The following XPO6 variants were observed in gnomAD, a reference collection of about 807,000 sequenced individuals.
The protein encoded by XPO6 is exportin 6.
In XPO6, 3 loss-of-function variants were observed where a neutral mutation model predicts 130.0. The ratio of observed to expected loss-of-function variants is 0.02; its 90% CI spans 0.01 to 0.06. The LOEUF (loss-of-function observed/expected upper bound fraction) is 0.06, where lower values mean the gene tolerates loss of function less well. XPO6 is among the 10% of genes least tolerant of loss of function. The pLI is 1.00. For missense variants in XPO6, 970 were observed against 1,393.0 expected, an observed-to-expected ratio of 0.70 and a Z score of 4.83; for synonymous variants, 524 against 548.9, an observed-to-expected ratio of 0.95 and a Z score of 0.63.
chr16:28,209,829 T>C (rs2044096535), intron 1 of XPO6, among the ~76,000 whole-genome samples: 1 of 151,942 alleles, frequency 6.6e-6, no homozygotes, highest in Admixed American at 6.6e-5. Flanking sequence ...TCATACTGTG[T>C]AATATATATG....
intron 1 of XPO6, among the ~76,000 whole-genome samples, chr16:28,181,969 G>A (rs1420027022): frequency 6.6e-6 from 1 of 152,090 alleles, no homozygotes; most frequent in Non-Finnish European, 1.5e-5. Context: ...TCAAGTAGGA[G>A]TCGCAGGAAT....
chr16:28,188,414 T>C (rs932353439), intron 1 of XPO6, among the ~76,000 whole-genome samples: 1 of 152,154 alleles, frequency 6.6e-6, no homozygotes, highest in Non-Finnish European at 1.5e-5. Flanking sequence ...CAGAGTGCCA[T>C]TCAAATATCC....
intron 15 of XPO6, chr16:28,117,046 A>C (rs986668773): frequency 7.5e-5 from 29 of 386,136 alleles, no homozygotes; most frequent in Admixed American, 4.9e-4. Flanking sequence ...CAGAGGTATC[A>C]CAACTTTTTA....
At chr16:28,166,802 C>T (rs1272972080) in intron 5 of XPO6, 7 of 985,248 alleles carry the variant, frequency 7.1e-6, no homozygotes, top group Non-Finnish European at 8.4e-6. Flanking sequence ...GTGGCCTCTC[C>T]CCACTGTTGC....
rs1352486695 is a variant in XPO6 at position 28,125,694 on chromosome 16, C to T, written c.1761G>A (p.Val587=). The part of the protein sequence containing the change: ...AARFNDALTV[V]ERLVKVTLYG... ...TAAGGTAACTGCCAGCCTACCTTTC[C>T]ACGACTGTGAGGGCATCATTGAACC... Residue 587 remains valine, a synonymous_variant, in exon 13 of 24, where the codon GTG becomes GTA. Coordinates refer to ENST00000304658, the MANE Select transcript of XPO6 (RefSeq NM_015171.4). The T allele has an allele frequency of 1.2e-6, 2 of 1,613,520 alleles. No individual in the cohort carries two copies. The highest frequency in any genetic ancestry group is 1.7e-6 in the Non-Finnish European group (2 of 1,179,740).
At chr16:28,144,104 A>G (rs1215530026) in intron 9 of XPO6, among the ~76,000 whole-genome samples, 2 of 152,210 alleles carry the variant, frequency 1.3e-5, no homozygotes, top group South Asian at 2.1e-4. Flanking sequence ...TTATTTTGGC[A>G]AAAGTAACTT....
intron 12 of XPO6, among the ~76,000 whole-genome samples, chr16:28,128,434 C>A (rs933938870): frequency 1.3e-5 from 2 of 152,214 alleles, no homozygotes; most frequent in Admixed American, 6.5e-5. Context: ...CACCTCCCCC[C>A]AGGCTCTACC....
In XPO6 at chr16:28,188,671, CAAAAAAAAAAAAAA is replaced by C. The variant is rs144107071; in HGVS notation, c.4-7654_4-7641del. ...CACTTCCCTACACCCTTCACCACTG[CAAAAAAAAAAAAAA>C]AAAAAAAAAAAAAAGGAGAGAAAAA... is the stretch of plus-strand genomic sequence containing the variant. On this transcript the variant is annotated intron_variant, in intron 1 of 23. Coordinates refer to ENST00000304658, the MANE Select transcript of XPO6 (RefSeq NM_015171.4). Among the ~76,000 whole-genome samples the C allele has an allele frequency of 1.6e-3, 102 of 65,694 alleles. 2 individuals carry two copies. The highest frequency in any genetic ancestry group is 3.4e-3 in the South Asian group (6 of 1,776). 43.1% of individuals were successfully genotyped at this position (65,694 alleles called of 152,430 possible). A position where few individuals can be genotyped will look rare whatever the true frequency, so the allele number is the denominator to read the frequency against.
chr16:28,141,217 G>A (rs780077849), intron 9 of XPO6, among the ~76,000 whole-genome samples: 4 of 152,162 alleles, frequency 2.6e-5, no homozygotes, highest in South Asian at 2.1e-4. Context: ...GAATCCCTAC[G>A]TTGGTTTGTG....
Position 28,169,887 on chromosome 16 carries a change from G to A in XPO6, c.428C>T (p.Thr143Ile), listed in dbSNP as rs750046733. 10 of 1,614,134 alleles carry A rather than the reference G, an allele frequency of 6.2e-6. No individual in the cohort carries two copies. The Admixed American group carries it at 1.2e-4, about 19-fold the overall frequency. Residue 143 changes from threonine (T) to isoleucine (I), a missense_variant, in exon 5 of 24, where the codon ACC (threonine) becomes ATC (isoleucine). By Grantham distance (89) the Thr-to-Ile change is moderately conservative. This residue lies in a region of XPO6 where 936 missense variants were observed against 1,306.8 expected (regional missense o/e 0.72). Transcript: ENST00000304658. ...ILQLIQSPVT[T>I]PLGLIMLKTT... ...CTTCAACATGATCAGCCCAAGGGGG[G>A]TTGTCACAGGGGACTGGATCAACTG...
Position 28,167,398 on chromosome 16 carries a change from C to A in XPO6, c.566-813G>T, listed in dbSNP as rs908360038. 6.1e-6 allele frequency: 6 copies of A among 985,014 alleles called. No homozygotes were observed. In the African/African-American group the frequency reaches 1.0e-4, roughly 17 times the overall value. The allele number at this position is 985,014 out of a possible 1,614,324, so 61.0% of individuals were successfully genotyped here. A position where few individuals can be genotyped will look rare whatever the true frequency, so the allele number is the denominator to read the frequency against. On this transcript the variant is annotated intron_variant, in intron 5 of 23. Coordinates refer to ENST00000304658, the MANE Select transcript of XPO6 (RefSeq NM_015171.4). The stretch of plus-strand genomic sequence containing the variant: ...CTCATCTAGCCTCACCTGACCCAGG[C>A]TTCAGCTCACCCGACAGACGCGGCC...
chr16:28,191,154 T>C (rs1567646811), intron 1 of XPO6, among the ~76,000 whole-genome samples: 1 of 152,226 alleles, frequency 6.6e-6, no homozygotes, highest in Non-Finnish European at 1.5e-5. Context: ...GCCAGGTTTA[T>C]TTTCACCACA....
chr16:28,190,296 T>TA (rs1202888403), intron 1 of XPO6, among the ~76,000 whole-genome samples: 1 of 151,788 alleles, frequency 6.6e-6, no homozygotes, highest in African/African-American at 2.4e-5. Context: ...CTCAGCTCAC[T>TA]GCAACCTCCA....
chr16:28,191,270 G>C (rs2043783364), intron 1 of XPO6, among the ~76,000 whole-genome samples: 1 of 152,146 alleles, frequency 6.6e-6, no homozygotes, highest in Non-Finnish European at 1.5e-5. Context: ...TTATATTCCA[G>C]TCAGAAGGCT....
In XPO6 at chr16:28,106,917, G is replaced by T. The variant is rs2086797037; in HGVS notation, c.2498-420C>A. On this transcript the variant is annotated intron_variant, in intron 18 of 23. Coordinates refer to ENST00000304658, the MANE Select transcript of XPO6 (RefSeq NM_015171.4). The surrounding 1 kb of genome is among the most constrained non-coding windows in gnomAD (Gnocchi z 4.2). ...GTCAGGGGTTAAGTGGTTGAAAGTG[G>T]ATAATGAAGGTGTATTTAGGTTGCA... is the stretch of plus-strand genomic sequence containing the variant. Among the ~76,000 whole-genome samples, 1 of 152,178 alleles carries T rather than the reference G, an allele frequency of 6.6e-6. No individual in the cohort carries two copies. The highest frequency in any genetic ancestry group is 1.5e-5 in the Non-Finnish European group (1 of 68,036).
chr16:28,186,672 A>ATTTTTTTTTTT (rs35690546), intron 1 of XPO6, among the ~76,000 whole-genome samples: 200 of 140,852 alleles, frequency 1.4e-3, no homozygotes, highest in African/African-American at 5.0e-3. Context: ...ATTCAGCCTA[A>ATTTTTTTTTTT]TTTTTTTTTT....
rs1265240071 is a variant in XPO6, at chr16:28,211,723, C to T, written c.-355G>A. 1 of 372,342 alleles carries T rather than the reference C, an allele frequency of 2.7e-6. No homozygotes were observed. The highest frequency in any genetic ancestry group is 1.5e-4 in the South Asian group (1 of 6,866). 23.1% of individuals were successfully genotyped at this position (372,342 alleles called of 1,614,324 possible). A position where few individuals can be genotyped will look rare whatever the true frequency, so the allele number is the denominator to read the frequency against. On this transcript the variant is annotated 5_prime_UTR_variant, in exon 1 of 24. Transcript: ENST00000304658. ...GCCCAGGCAGGGGCTCCCCGGCCTC[C>T]GCGGGCAGAGGTGGCGGCGGCCCCG...
intron 15 of XPO6, among the ~76,000 whole-genome samples, chr16:28,113,515 A>G (rs2086981579): frequency 6.6e-6 from 1 of 152,238 alleles, no homozygotes; most frequent in African/African-American, 2.4e-5. Context: ...ACTTGGTTCA[A>G]TTACCACTGT....
chr16:28,176,968 G>A (rs1596937359), intron 3 of XPO6, among the ~76,000 whole-genome samples: 1 of 152,240 alleles, frequency 6.6e-6, no homozygotes, highest in East Asian at 1.9e-4. Context: ...ATAACAGGCA[G>A]GGAATAGTTA....
Sources: allele counts gnomAD v4.1 joint callset (sites outside exome capture counted in the v4.1 genomes callset), GRCh38; gene constraint gnomAD v4.1.1; regional missense constraint gnomAD v4.1.1; non-coding constraint Gnocchi (gnomAD v3.1); transcripts MANE v1.5; gene names NCBI Gene and HGNC (gene_info 2026-07-23, HGNC 2026-07-21).